SEMA3A: variants seen among roughly 807,000 people sequenced by gnomAD.
The protein encoded by SEMA3A is semaphorin-3A.
Under a neutral mutation model 97.9 loss-of-function variants are expected in SEMA3A, and 29 were observed. The ratio of observed to expected loss-of-function variants is 0.30; its 90% confidence interval spans 0.22 to 0.40. The LOEUF is 0.40. Among genes scored for constraint, SEMA3A ranks in the 10% least tolerant of loss-of-function variants. SEMA3A has a pLI of 1.00. For missense variants in SEMA3A, 763 were observed against 951.3 expected, an observed-to-expected ratio of 0.80 and a Z score of 2.60; for synonymous variants, 321 against 323.7, an observed-to-expected ratio of 0.99 and a Z score of 0.09.
intron 4 of SEMA3A, among the ~76,000 whole-genome samples, chr7:84,095,268 T>C (rs919227643): frequency 3.4e-5 from 2 of 59,602 alleles, no homozygotes; most frequent in Non-Finnish European, 5.5e-5. Context: ...TATATACCAT[T>C]ATTATGTAGC....
intron 6 of SEMA3A, among the ~76,000 whole-genome samples, chr7:84,030,340 C>T (rs1040764539): frequency 2.0e-5 from 3 of 152,048 alleles, no homozygotes; most frequent in Admixed American, 6.6e-5. Flanking sequence ...AATTAGAGCA[C>T]GTTTTTCTTC....
chr7:84,112,823 GACA>G (rs1413671435), intron 3 of SEMA3A, among the ~76,000 whole-genome samples: 1 of 152,160 alleles, frequency 6.6e-6, no homozygotes, highest in Non-Finnish European at 1.5e-5. Context: ...ACTATAATAT[GACA>G]ACAATTCCCC....
In SEMA3A at chr7:83,961,344, G is replaced by A. The variant is rs1454355023; in HGVS notation, c.*27C>T. On this transcript the variant is annotated 3_prime_UTR_variant, in exon 17 of 17. Transcript: ENST00000265362. ...TTATTGTCTAGGCAAGTTTCTACTT[G>A]TTTGAGGTTTCTAGAGGTAATGCAG... 1 of 1,580,178 alleles carries A rather than the reference G, an allele frequency of 6.3e-7. No individual in the cohort carries two copies. The highest frequency in any genetic ancestry group is 2.2e-5 in the East Asian group (1 of 44,716).
intron 4 of SEMA3A, among the ~76,000 whole-genome samples, chr7:84,073,576 A>G (rs1265614138): frequency 6.6e-5 from 10 of 152,180 alleles, no homozygotes; most frequent in Non-Finnish European, 1.5e-4. Context: ...TGACACAGTG[A>G]TAATTTTAGT....
intron 1 of SEMA3A, among the ~76,000 whole-genome samples, chr7:84,152,359 G>C (rs1796699055): frequency 7.2e-6 from 1 of 138,428 alleles, no homozygotes; most frequent in Non-Finnish European, 1.5e-5. Context: ...ATACTATGCA[G>C]CCATAAAAAA....
At chr7:84,247,303 A>G (rs1000423015) in intron 3 of SEMA3A, among the ~76,000 whole-genome samples, 2 of 152,208 alleles carry the variant, frequency 1.3e-5, no homozygotes, top group Non-Finnish European at 2.9e-5. Context: ...ACTTCACAGA[A>G]TATGTATAGC....
At chr7:84,392,855 C>T (rs975945606) in intron 1 of SEMA3A, among the ~76,000 whole-genome samples, 3 of 152,012 alleles carry the variant, frequency 2.0e-5, no homozygotes, top group African/African-American at 7.2e-5. Context: ...TGAGAAATGT[C>T]TATGTAGGTC....
intron 3 of SEMA3A, among the ~76,000 whole-genome samples, chr7:84,272,957 C>G (rs1001458634): frequency 1.3e-5 from 2 of 152,032 alleles, no homozygotes; most frequent in Admixed American, 6.6e-5. Context: ...GAGAATATAT[C>G]TATCTTCTTT....
intron 15 of SEMA3A, among the ~76,000 whole-genome samples, chr7:83,964,597 C>T (rs1788598327): frequency 6.6e-6 from 1 of 152,150 alleles, no homozygotes; most frequent in Admixed American, 6.5e-5. Context: ...TTCATTCCAC[C>T]TTCTACCTTC....
At position 83,980,618 on chromosome 7, in the gene SEMA3A, A is replaced by AC. The variant is rs57547797; in HGVS notation, c.1652+702_1652+703insG. 8.1e-3 allele frequency among the ~76,000 whole-genome samples: 661 copies of AC among 81,300 alleles called. 2 individuals carry two copies. Among genetic ancestry groups the AC allele is most frequent in the South Asian group, 0.012 (34 of 2,728 alleles). 53.3% of individuals were successfully genotyped at this position (81,300 alleles called of 152,430 possible). ...GACTCCATCTCAAAAAAAAAAAAAA[A>AC]AAAAAATATATATATATATATACAC... On this transcript the variant is annotated intron_variant, in intron 14 of 16. Transcript: ENST00000265362.
chr7:84,276,175 C>T (rs1584193065), intron 3 of SEMA3A, among the ~76,000 whole-genome samples: 1 of 151,938 alleles, frequency 6.6e-6, no homozygotes, highest in Non-Finnish European at 1.5e-5. Flanking sequence ...TTATTGAGTG[C>T]CTATACTGAA....
chr7:84,052,077 G>C (rs1428983539), intron 5 of SEMA3A, among the ~76,000 whole-genome samples: 1 of 152,156 alleles, frequency 6.6e-6, no homozygotes, highest in Admixed American at 6.6e-5. Flanking sequence ...GATCATGGCG[G>C]ATAAGCTTTT....
intron 4 of SEMA3A, among the ~76,000 whole-genome samples, chr7:84,088,799 G>A (rs1583945755): frequency 6.6e-6 from 1 of 151,934 alleles, no homozygotes; most frequent in African/African-American, 2.4e-5. Context: ...AATGCATAGG[G>A]TGCAATTTGA....
At chr7:83,963,032 G>A (rs1308194117) in intron 16 of SEMA3A, among the ~76,000 whole-genome samples, 173 bp downstream of exon 16, 2 of 152,144 alleles carry the variant, frequency 1.3e-5, no homozygotes, top group Non-Finnish European at 2.9e-5. Context: ...ATAGTACAAA[G>A]TCTGTCACGT....
chr7:84,290,710 T>C (rs1267092887), intron 3 of SEMA3A, among the ~76,000 whole-genome samples: 4 of 152,094 alleles, frequency 2.6e-5, no homozygotes, highest in Non-Finnish European at 5.9e-5. Flanking sequence ...ATTAAATGGG[T>C]CTATTGCTAC....
At chr7:83,973,188 C>G (rs1788988654) in intron 15 of SEMA3A, among the ~76,000 whole-genome samples, 1 of 152,126 alleles carries the variant, frequency 6.6e-6, no homozygotes, top group Admixed American at 6.6e-5. Flanking sequence ...GAAAGTAAAT[C>G]TTCATAAATA....
intron 1 of SEMA3A, among the ~76,000 whole-genome samples, chr7:84,388,478 A>G (rs960968726): frequency 9.9e-5 from 15 of 152,016 alleles, no homozygotes; most frequent in Admixed American, 6.6e-4. Context: ...ACTTAATACC[A>G]TTATTGAATA....
chr7:84,272,978 C>T (rs1240733361), intron 3 of SEMA3A, among the ~76,000 whole-genome samples: 2 of 152,034 alleles, frequency 1.3e-5, no homozygotes, highest in Non-Finnish European at 2.9e-5. Flanking sequence ...TAAAAATCTG[C>T]ATCTTGCTTA....
At chr7:84,153,031 T>G (rs1343121242) in intron 1 of SEMA3A, among the ~76,000 whole-genome samples, 1 of 152,094 alleles carries the variant, frequency 6.6e-6, no homozygotes, top group Non-Finnish European at 1.5e-5. Flanking sequence ...AATCAAGAAA[T>G]TAGTTTAAAA....
Sources: allele counts gnomAD v4.1 joint callset (sites outside exome capture counted in the v4.1 genomes callset), GRCh38; gene constraint gnomAD v4.1.1; transcripts MANE v1.5; gene names NCBI Gene and HGNC (gene_info 2026-07-23, HGNC 2026-07-21).